ZNF888: variants seen among roughly 807,000 people sequenced by gnomAD.
ZNF888 encodes the protein zinc finger protein 888.
A neutral mutation model predicts 7.2 loss-of-function variants in ZNF888; 5 were observed. The ratio of observed to expected loss-of-function variants is 0.70; its 90% CI spans 0.36 to 1.46. ZNF888 has a LOEUF of 1.46. Among genes scored for constraint, ZNF888 ranks in the 40% most tolerant of loss-of-function variants. The probability of loss-of-function intolerance (pLI) is 0.03; values close to 1 mark genes in which losing one functional copy is unlikely to be tolerated. For synonymous variants in ZNF888, 240 were observed against 284.3 expected, an observed-to-expected ratio of 0.84 and a Z score of 1.57; for missense variants, 716 against 858.0, an observed-to-expected ratio of 0.83 and a Z score of 2.07.
At position 52,919,504 on chromosome 19, in the gene ZNF888, G is replaced by A. The variant is rs1170986842; in HGVS notation, c.-177-567C>T. 5.7e-5 allele frequency among the ~76,000 whole-genome samples: 4 copies of A among 70,444 alleles called. 2 individuals are homozygous for A. The highest frequency in any genetic ancestry group is 1.8e-4 in the African/African-American group (4 of 22,132). 46.2% of individuals were successfully genotyped at this position (70,444 alleles called of 152,430 possible). A position where few individuals can be genotyped will look rare whatever the true frequency, so the allele number is the denominator to read the frequency against. ...GAGTGCAGTGGCGTGATCTCCGCTC[G>A]CTACAACCTCCACCTCCCAGCCGCC... On this transcript the variant is annotated intron_variant, in intron 1 of 4. Transcript: ENST00000638862.
chr19:52,915,899 G>A (rs2064740685), intron 3 of ZNF888, among the ~76,000 whole-genome samples: 1 of 152,292 alleles, frequency 6.6e-6, no homozygotes, highest in Non-Finnish European at 1.5e-5. Context: ...CTATAGAAAT[G>A]TTTGAAACTT....
At chr19:52,912,309 T>G (rs1187393073) in intron 4 of ZNF888, among the ~76,000 whole-genome samples, 5 of 145,908 alleles carry the variant, frequency 3.4e-5, no homozygotes, top group South Asian at 2.2e-4. Flanking sequence ...GAGATGGGGT[T>G]TCACCATGTT....
At chr19:52,917,555 C>A (rs1352875035) in intron 3 of ZNF888, among the ~76,000 whole-genome samples, 5 of 144 alleles carry the variant, frequency 0.035, no homozygotes, top group Non-Finnish European at 0.074. Context: ...CATCCAGATG[C>A]GGCCCTGAAC....
At position 52,920,355 on chromosome 19, in the gene ZNF888, T is replaced by C. The variant is rs1277633643; in HGVS notation, c.-177-1418A>G. Among the ~76,000 whole-genome samples, 5 of 62,534 alleles carry C rather than the reference T, an allele frequency of 8.0e-5. 2 individuals are homozygous for C. Among genetic ancestry groups the C allele is most frequent in the Admixed American group, 4.1e-4 (2 of 4,838 alleles). 41.0% of individuals were successfully genotyped at this position (62,534 alleles called of 152,430 possible). A position where few individuals can be genotyped will look rare whatever the true frequency, so the allele number is the denominator to read the frequency against. On this transcript the variant is annotated intron_variant, in intron 1 of 4. Coordinates refer to ENST00000638862, the MANE Select transcript of ZNF888 (RefSeq NM_001393938.1). ...TTTTGTTCTGTACTAAGAAAAATTC[T>C]TCTGCCTTGGGATCCTGTTGATCTG...
At chr19:52,913,315 G>A (rs2064707217) in intron 4 of ZNF888, among the ~76,000 whole-genome samples, 1 of 146,340 alleles carries the variant, frequency 6.8e-6, no homozygotes, top group South Asian at 2.1e-4. Flanking sequence ...TGCAGGTTAT[G>A]GATTCTTTTT....
In ZNF888 at chr19:52,923,113, G is replaced by C. The variant is rs1233469623; in HGVS notation, c.-178+256C>G. On this transcript the variant is annotated intron_variant, in intron 1 of 4. Transcript: ENST00000638862. ...CGCGGGGTGGGAGGAGTCAACAAAC[G>C]GTTGTGAACGGGAAAACTACGCGAT... Among the ~76,000 whole-genome samples the C allele has an allele frequency of 2.6e-5, 4 of 152,242 alleles. No homozygotes were observed. In the East Asian group the frequency reaches 7.7e-4, roughly 29 times the overall value.
intron 1 of ZNF888, chr19:52,921,648 G>A: frequency 1.0e-6 from 1 of 984,412 alleles, no homozygotes; most frequent in South Asian, 4.7e-5. Context: ...TTTACAAAAT[G>A]CAAAAGTGTA....
intron 3 of ZNF888, among the ~76,000 whole-genome samples, chr19:52,915,887 T>C (rs1175776780): frequency 6.6e-6 from 1 of 152,288 alleles, no homozygotes; most frequent in Non-Finnish European, 1.5e-5. Flanking sequence ...GCAGGGTTCC[T>C]GCTATAGAAA....
chr19:52,907,733 G>T lies in ZNF888; in HGVS notation c.589C>A (p.His197Asn), dbSNP rs913217080. ...TGTTTCTGTGTGAGTAATGAAGAAT[G>T]GAAGAAATTATTCCCATAGTTATTA... The part of the protein sequence containing the change: ...ISNNYGNNFF[H>N]SSLLTQKQDV... The change falls in exon 5 of 5, where the codon CAT becomes AAT. Residue 197 changes from histidine (H) to asparagine (N), a missense_variant. His to Asn is a moderately conservative substitution (Grantham distance 68). Around this residue, in one of 2 missense-constraint regions of ZNF888, gnomAD observed 697 missense variants for 803.4 expected, o/e 0.87. Coordinates refer to ENST00000638862, the MANE Select transcript of ZNF888 (RefSeq NM_001393938.1). 1 of 1,613,460 alleles carries T rather than the reference G, an allele frequency of 6.2e-7. No individual in the cohort carries two copies. The highest frequency in any genetic ancestry group is 1.1e-5 in the South Asian group (1 of 91,008).
intron 1 of ZNF888, among the ~76,000 whole-genome samples, chr19:52,921,381 T>G (rs1405467060): frequency 6.6e-6 from 1 of 152,136 alleles, no homozygotes; most frequent in Non-Finnish European, 1.5e-5. Context: ...TACTTTAGAT[T>G]TAGCTGTGAT....
chr19:52,916,796 T>C (rs2064756975), intron 3 of ZNF888, among the ~76,000 whole-genome samples: 1 of 151,782 alleles, frequency 6.6e-6, no homozygotes. Flanking sequence ...CAATCACCCT[T>C]TCAACTGCCT....
intron 1 of ZNF888, among the ~76,000 whole-genome samples, chr19:52,921,054 A>G (rs2147941103): frequency 6.6e-6 from 1 of 152,006 alleles, no homozygotes; most frequent in East Asian, 1.9e-4. Flanking sequence ...TTCAGATGGC[A>G]GTGGGAGGAC....
rs529780569 is a variant in ZNF888, at chr19:52,917,910, T to A, written c.-37A>T. The stretch of plus-strand genomic sequence containing the variant: ...TTGCTTTCCTCTTCCTCTTCTGAGT[T>A]TCTTCTTCACATACCCAGAGTCTTT... On this transcript the variant is annotated 5_prime_UTR_variant, in exon 3 of 5. Coordinates refer to ENST00000638862, the MANE Select transcript of ZNF888 (RefSeq NM_001393938.1). 1.3e-5 allele frequency: 21 copies of A among 1,610,758 alleles called. No individual in the cohort carries two copies. The African/African-American group carries it at 2.7e-4, about 20-fold the overall frequency.
intron 1 of ZNF888, among the ~76,000 whole-genome samples, chr19:52,920,938 T>TAAAAAAAAAAAAAAAAA (rs145361548): frequency 1.5e-4 from 1 of 6,532 alleles, no homozygotes; most frequent in African/African-American, 3.8e-4. Flanking sequence ...CTTCAAATAT[T>TAAAAAAAAAAAAAAAAA]AAAAAAAAAA....
At chr19:52,912,447 C>T (rs1375494315) in intron 4 of ZNF888, among the ~76,000 whole-genome samples, 1 of 150,258 alleles carries the variant, frequency 6.7e-6, no homozygotes, top group East Asian at 2.0e-4. Context: ...TGAGACAGGC[C>T]GGGCACGGTG....
At chr19:52,918,564 T>A (rs1203125145) in intron 2 of ZNF888, among the ~76,000 whole-genome samples, 1 of 151,956 alleles carries the variant, frequency 6.6e-6, no homozygotes, top group Non-Finnish European at 1.5e-5. Flanking sequence ...GAGGTCAGCG[T>A]TCAAGACCAT....
rs2064612737 is a variant in ZNF888 at position 52,906,709 on chromosome 19, A to G, written c.1613T>C (p.Val538Ala). Residue 538 changes from valine (V) to alanine (A), a missense_variant, in exon 5 of 5, where the codon GTA becomes GCA. Val to Ala is a moderately conservative substitution (Grantham distance 64, BLOSUM62 0). Around this residue, in one of 2 missense-constraint regions of ZNF888, gnomAD observed 697 missense variants for 803.4 expected, o/e 0.87. Transcript: ENST00000638862. ...TCCAGTATGAATGACCTTATGCATT[A>G]CAAGAGATGAATTTTGAACGAAGGT... The part of the protein sequence containing the change: ...GKTFVQNSSL[V>A]MHKVIHTGEK... 5 of 1,607,810 alleles carry G rather than the reference A, an allele frequency of 3.1e-6. No individual in the cohort carries two copies. Among genetic ancestry groups the G allele is most frequent in the Non-Finnish European group, 4.3e-6 (5 of 1,175,648 alleles).
chr19:52,921,501 T>A (rs1043275921), intron 1 of ZNF888, among the ~76,000 whole-genome samples: 1 of 152,188 alleles, frequency 6.6e-6, no homozygotes, highest in Non-Finnish European at 1.5e-5. Flanking sequence ...ATGGGAAGGG[T>A]TGGTCTTTAT....
In ZNF888 at chr19:52,904,990, G is replaced by A. The variant is rs2064590461; in HGVS notation, c.*1175C>T. 6.5e-6 allele frequency: 1 copy of A among 152,904 alleles called. No homozygotes were observed. Among genetic ancestry groups the A allele is most frequent in the Admixed American group, 6.6e-5 (1 of 15,264 alleles). The allele number at this position is 152,904 out of a possible 1,614,324, so 9.5% of individuals were successfully genotyped here. A position where few individuals can be genotyped will look rare whatever the true frequency, so the allele number is the denominator to read the frequency against. ...CCATTTGCTAGAGAACTTAAAGTAAGAAATACTTAGGAATAAACGTACAAA... is the reference window on the plus strand; with the variant it reads ...CCATTTGCTAGAGAACTTAAAGTAAAAAATACTTAGGAATAAACGTACAAA... On this transcript the variant is annotated 3_prime_UTR_variant, in exon 5 of 5. Coordinates refer to ENST00000638862, the MANE Select transcript of ZNF888 (RefSeq NM_001393938.1).
Sources: gnomAD v4.1 joint callset for allele counts (sites outside exome capture counted in the v4.1 genomes callset) on GRCh38, gnomAD v4.1.1 for gene constraint, gnomAD v4.1.1 regional missense constraint, MANE v1.5 for transcripts, NCBI Gene and HGNC (gene_info 2026-07-23, HGNC 2026-07-21) for gene names.